The following BORCS5 variants were observed in gnomAD, a reference collection of about 807,000 sequenced individuals.
BORCS5 encodes BLOC-1 related complex subunit 5.
Under a neutral mutation model 22.1 loss-of-function variants are expected in BORCS5, and 17 were observed. The ratio of observed to expected loss-of-function variants is 0.77; its 90% confidence interval spans 0.53 to 1.15. BORCS5 has a LOEUF of 1.15. Among genes scored for constraint, BORCS5 ranks in the 50% most tolerant of loss-of-function variants. BORCS5 has a pLI of 0.00. For missense variants in BORCS5, 247 were observed against 253.2 expected, an observed-to-expected ratio of 0.98 and a Z score of 0.17; for synonymous variants, 117 against 99.8, an observed-to-expected ratio of 1.17 and a Z score of -1.03.
chr12:12,415,600 C>T (rs1014940476), intron 2 of BORCS5, among the ~76,000 whole-genome samples: 6 of 108,320 alleles, frequency 5.5e-5, no homozygotes, highest in Non-Finnish European at 1.8e-5. Context: ...GGTTTTCTTC[C>T]CTTTAGTCTT....
At chr12:12,375,693 C>T (rs773337490) in intron 2 of BORCS5, among the ~76,000 whole-genome samples, 2 of 152,166 alleles carry the variant, frequency 1.3e-5, no homozygotes, top group African/African-American at 4.8e-5. Flanking sequence ...TTCAGTTTCA[C>T]AGAAAGCCAG....
At position 12,387,541 on chromosome 12, in the gene BORCS5, A is replaced by G. The variant is rs567074590; in HGVS notation, c.202+26192A>G. Reference sequence around the variant, plus strand: ...ACTCAGCCCTCTGATCCGAAACCTAAATATACTCCATTTTGTCTCTTTTGT... The same window carrying G: ...ACTCAGCCCTCTGATCCGAAACCTAGATATACTCCATTTTGTCTCTTTTGT... On this transcript the variant is annotated intron_variant, in intron 2 of 3. Coordinates refer to ENST00000314565, the MANE Select transcript of BORCS5 (RefSeq NM_058169.6). Among the ~76,000 whole-genome samples the G allele has an allele frequency of 1.7e-3, 256 of 151,474 alleles. 14 individuals are homozygous for G. Among genetic ancestry groups the G allele is most frequent in the Non-Finnish European group, 2.9e-3 (199 of 67,680 alleles).
intron 2 of BORCS5, among the ~76,000 whole-genome samples, chr12:12,403,200 A>G (rs1271811722): frequency 6.6e-6 from 1 of 152,200 alleles, no homozygotes; most frequent in Non-Finnish European, 1.5e-5. Flanking sequence ...CCTGTCACAC[A>G]GCTATTAAGG....
chr12:12,390,902 C>T (rs183340453), intron 2 of BORCS5, among the ~76,000 whole-genome samples: 7 of 152,042 alleles, frequency 4.6e-5, no homozygotes, highest in African/African-American at 1.7e-4. Context: ...CCACCACGCC[C>T]GGCCTAAACT....
At chr12:12,398,765 C>T (rs1941406251) in intron 2 of BORCS5, among the ~76,000 whole-genome samples, 1 of 152,120 alleles carries the variant, frequency 6.6e-6, no homozygotes, top group South Asian at 2.1e-4. Flanking sequence ...GATATCTGTG[C>T]GATATTGGGA....
At chr12:12,449,443 G>A (rs1204221378) in intron 3 of BORCS5, among the ~76,000 whole-genome samples, 1 of 152,102 alleles carries the variant, frequency 6.6e-6, no homozygotes, top group Non-Finnish European at 1.5e-5. Flanking sequence ...GGCCTTTTGT[G>A]GGGAGGAGGT....
At chr12:12,395,565 G>T (rs1941318416) in intron 2 of BORCS5, among the ~76,000 whole-genome samples, 2 of 151,664 alleles carry the variant, frequency 1.3e-5, no homozygotes, top group Non-Finnish European at 2.9e-5. Flanking sequence ...GGGATTACAG[G>T]GGTGAGCTAC....
intron 2 of BORCS5, among the ~76,000 whole-genome samples, chr12:12,405,230 C>A (rs1941569569): frequency 6.6e-6 from 1 of 152,182 alleles, no homozygotes; most frequent in South Asian, 2.1e-4. Context: ...CATCTTGATT[C>A]TAAAGTATAA....
intron 3 of BORCS5, 37 bp downstream of exon 3, chr12:12,435,822 T>G (rs1361985591): frequency 1.9e-6 from 3 of 1,592,000 alleles, no homozygotes; most frequent in Admixed American, 3.4e-5. Flanking sequence ...GCTGACTGGT[T>G]GTTGTGATTC....
At position 12,380,513 on chromosome 12, in the gene BORCS5, A is replaced by G. The variant is rs1287516669; in HGVS notation, c.202+19164A>G. ...CTGGACACTTCATCTAAATGGAATCATACAATACATACTCTTTTGAGTCTG... is the reference window on the plus strand; with the variant it reads ...CTGGACACTTCATCTAAATGGAATCGTACAATACATACTCTTTTGAGTCTG... On this transcript the variant is annotated intron_variant, in intron 2 of 3. Coordinates refer to ENST00000314565, the MANE Select transcript of BORCS5 (RefSeq NM_058169.6). Among the ~76,000 whole-genome samples, 2 of 151,476 alleles carry G rather than the reference A, an allele frequency of 1.3e-5. 1 individual carries two copies. The highest frequency in any genetic ancestry group is 3.0e-5 in the Non-Finnish European group (2 of 67,720).
intron 2 of BORCS5, among the ~76,000 whole-genome samples, chr12:12,404,677 A>G (rs1223015730): frequency 1.3e-5 from 2 of 152,148 alleles, no homozygotes; most frequent in African/African-American, 4.8e-5. Flanking sequence ...CAGTCTGTGG[A>G]GAACTACTTT....
rs7303326 is a variant in BORCS5 at position 12,376,828 on chromosome 12, A to G, written c.202+15479A>G. ...CACTTTTACCACTAGATGTCACTAG[A>G]CTAAAACAATTGGTAAGCTTGTTGA... On this transcript the variant is annotated intron_variant, in intron 2 of 3. Transcript: ENST00000314565. Among the ~76,000 whole-genome samples, 1,091 of 152,300 alleles carry G rather than the reference A, an allele frequency of 7.2e-3. 14 individuals are homozygous for G. The highest frequency in any genetic ancestry group is 0.031 in the Middle Eastern group (9 of 294).
chr12:12,363,227 G>A (rs1228009843), intron 2 of BORCS5, among the ~76,000 whole-genome samples: 1 of 151,676 alleles, frequency 6.6e-6, no homozygotes, highest in Non-Finnish European at 1.5e-5. Flanking sequence ...AGCCCAGGAG[G>A]TCAAGGGTGC....
chr12:12,384,212 G>A (rs940955644), intron 2 of BORCS5, among the ~76,000 whole-genome samples: 4 of 150,856 alleles, frequency 2.7e-5, no homozygotes, highest in Non-Finnish European at 5.9e-5. Context: ...AAACTCCTGG[G>A]CTCAAGCAAT....
chr12:12,437,914 C>T (rs1942587937), intron 3 of BORCS5, among the ~76,000 whole-genome samples: 2 of 152,024 alleles, frequency 1.3e-5, no homozygotes, highest in South Asian at 4.1e-4. Context: ...CAGGTGTATG[C>T]CATCACGCCT....
At chr12:12,452,070 T>G (rs772527861) in intron 3 of BORCS5, 3 of 445,022 alleles carry the variant, frequency 6.7e-6, no homozygotes, top group East Asian at 1.1e-4. Context: ...CTTTCCCCCC[T>G]GGATTTTACC....
intron 2 of BORCS5, among the ~76,000 whole-genome samples, chr12:12,374,981 G>C (rs1863616543): frequency 6.6e-6 from 1 of 151,060 alleles, no homozygotes; most frequent in African/African-American, 2.4e-5. Flanking sequence ...TATTAACCAA[G>C]TTTGTATTTG....
chr12:12,415,103 G>C (rs1427538718), intron 2 of BORCS5, among the ~76,000 whole-genome samples: 4 of 150,968 alleles, frequency 2.6e-5, no homozygotes, highest in Non-Finnish European at 4.4e-5. Flanking sequence ...TATCCCAGAC[G>C]ATGGGGGGCC....
chr12:12,408,558 CCT>C (rs1356926693), intron 2 of BORCS5, among the ~76,000 whole-genome samples: 1 of 152,186 alleles, frequency 6.6e-6, no homozygotes, highest in Non-Finnish European at 1.5e-5. Flanking sequence ...AACTTCCTAT[CCT>C]CTCTTCCTCC....
Sources: allele counts gnomAD v4.1 joint callset (sites outside exome capture counted in the v4.1 genomes callset), GRCh38; gene constraint gnomAD v4.1.1; transcripts MANE v1.5; gene names NCBI Gene and HGNC (gene_info 2026-07-23, HGNC 2026-07-21).